Variants in WDR49 observed in about 807,000 individuals in gnomAD.
WDR49 encodes cilia- and flagella-associated protein 337.
WDR49 carries 107 observed loss-of-function variants against 119.5 expected under a neutral mutation model. The observed-to-expected ratio is 0.90, with a 90% CI of 0.77 to 1.05. The LOEUF is 1.05. Among genes scored for constraint, WDR49 ranks in the 50% least tolerant of loss-of-function variants. The pLI is 0.00. For synonymous variants in WDR49, 425 were observed against 418.8 expected, an observed-to-expected ratio of 1.01 and a Z score of -0.18; for missense variants, 1,240 against 1,220.5, an observed-to-expected ratio of 1.02 and a Z score of -0.24.
chr3:167,594,805 C>T (rs1453068695), intron 7 of WDR49, among the ~76,000 whole-genome samples: 2 of 149,868 alleles, frequency 1.3e-5, no homozygotes, highest in African/African-American at 2.5e-5. Flanking sequence ...TGAAAACTGG[C>T]ACAAGACAGG....
At chr3:167,644,340 G>A (rs949769401) in intron 2 of WDR49, among the ~76,000 whole-genome samples, 5 of 151,962 alleles carry the variant, frequency 3.3e-5, no homozygotes, top group Admixed American at 6.6e-5. Context: ...GTATAGATAA[G>A]GTGCCCACAA....
chr3:167,523,926 T>C (rs987587545), intron 15 of WDR49, among the ~76,000 whole-genome samples: 1 of 152,208 alleles, frequency 6.6e-6, no homozygotes, highest in Non-Finnish European at 1.5e-5. Flanking sequence ...ATGGGATTCC[T>C]GAATCAAATG....
chr3:167,649,360 G>A (rs1193285677), intron 2 of WDR49, among the ~76,000 whole-genome samples: 1 of 152,098 alleles, frequency 6.6e-6, no homozygotes, highest in Non-Finnish European at 1.5e-5. Context: ...TATTCCTGTA[G>A]AGCCTAGCTT....
chr3:167,611,406 T>C (rs948583068), intron 5 of WDR49, among the ~76,000 whole-genome samples: 1 of 151,906 alleles, frequency 6.6e-6, no homozygotes, highest in African/African-American at 2.4e-5. Context: ...TAGAGGAACA[T>C]AAGGAGGAAA....
chr3:167,598,315 A>G (rs891333579), intron 7 of WDR49, among the ~76,000 whole-genome samples: 2 of 151,664 alleles, frequency 1.3e-5, no homozygotes, highest in South Asian at 2.1e-4. Context: ...AAAAAAAAAA[A>G]GAAGAAAAGA....
chr3:167,612,547 C>A (rs1716388720), intron 5 of WDR49, among the ~76,000 whole-genome samples: 1 of 149,906 alleles, frequency 6.7e-6, no homozygotes, highest in African/African-American at 2.5e-5. Context: ...TATTTTTGGA[C>A]AAGTTAAAAG....
chr3:167,533,008 G>A, intron 11 of WDR49, 31 bp from the exon 12 acceptor site: 1 of 1,477,772 alleles, frequency 6.8e-7, no homozygotes. Flanking sequence ...AATATAAATT[G>A]CCAGGAGATT....
In WDR49 at chr3:167,531,342, C is replaced by G. The variant is rs571195442; in HGVS notation, c.2054-63G>C. ...AAATATCTGCTTTTCAAACTAATGC[C>G]TATGAAATAGCAGGCCCACATCTAT... On this transcript the variant is annotated intron_variant, in intron 12 of 18. Coordinates refer to ENST00000682715, the MANE Select transcript of WDR49 (RefSeq NM_001366157.1). The G allele has an allele frequency of 4.5e-6, 7 of 1,565,422 alleles. No individual in the cohort carries two copies. In the Admixed American group the frequency reaches 1.2e-4, roughly 28 times the overall value.
intron 2 of WDR49, among the ~76,000 whole-genome samples, chr3:167,629,457 A>G (rs1165262479): frequency 6.6e-6 from 1 of 152,094 alleles, no homozygotes; most frequent in Admixed American, 6.6e-5. Flanking sequence ...GGAGATGTAC[A>G]AGGGGATTAA....
chr3:167,640,683 A>G (rs946598960), intron 2 of WDR49, among the ~76,000 whole-genome samples: 23 of 151,870 alleles, frequency 1.5e-4, no homozygotes, highest in African/African-American at 4.8e-4. Context: ...CAAGACCCCA[A>G]TCAAGAAAGA....
rs556808508 is a variant in WDR49 at position 167,487,991 on chromosome 3, G to A, written c.3032-8995C>T. Among the ~76,000 whole-genome samples, 66 of 152,106 alleles carry A rather than the reference G, an allele frequency of 4.3e-4. No homozygotes were observed. The South Asian group carries it at 0.014, about 32-fold the overall frequency. On this transcript the variant is annotated intron_variant, in intron 18 of 18. Transcript: ENST00000682715. ...GATTTCTTAAATAACTTAAAACAGA[G>A]CTACCACTTGACCCAGAAATCTCAC...
At chr3:167,497,622 G>A (rs1035704795) in intron 18 of WDR49, among the ~76,000 whole-genome samples, 2 of 152,112 alleles carry the variant, frequency 1.3e-5, no homozygotes, top group African/African-American at 2.4e-5. Flanking sequence ...CTGAAGAGAG[G>A]TGTTTGCTGC....
chr3:167,519,558 C>T (rs1752349722), intron 16 of WDR49, among the ~76,000 whole-genome samples: 1 of 152,050 alleles, frequency 6.6e-6, no homozygotes, highest in African/African-American at 2.4e-5. Flanking sequence ...ATCACATGTT[C>T]TCACTCAAAA....
At chr3:167,584,333 T>TA (rs1383960882) in intron 7 of WDR49, among the ~76,000 whole-genome samples, 2 of 152,088 alleles carry the variant, frequency 1.3e-5, no homozygotes, top group African/African-American at 4.8e-5. Flanking sequence ...AACAGAGAAA[T>TA]ACTGAGAGCT....
chr3:167,556,337 A>G (rs1333016850), intron 9 of WDR49, among the ~76,000 whole-genome samples: 1 of 152,162 alleles, frequency 6.6e-6, no homozygotes, highest in Non-Finnish European at 1.5e-5. Flanking sequence ...GCTGATACAG[A>G]ACCTGAAACA....
chr3:167,650,144 T>C (rs1249309556), intron 2 of WDR49, among the ~76,000 whole-genome samples: 4 of 152,198 alleles, frequency 2.6e-5, no homozygotes, highest in African/African-American at 9.6e-5. Context: ...TCAAGCTCCA[T>C]GGCTTTCCCA....
At chr3:167,613,014 T>C (rs1716416404) in intron 5 of WDR49, among the ~76,000 whole-genome samples, 1 of 152,184 alleles carries the variant, frequency 6.6e-6, no homozygotes, top group Admixed American at 6.5e-5. Context: ...TCAATAATAA[T>C]GTAATTGTAT....
Position 167,512,724 on chromosome 3 carries a change from A to G in WDR49, c.2775-7308T>C, listed in dbSNP as rs116884151. On this transcript the variant is annotated intron_variant, in intron 16 of 18. Transcript: ENST00000682715. ...GCTAAGAACCACGATAAAACATTAC[A>G]GGAGCTGTTAGCCAGAATAACTAGT... Among the ~76,000 whole-genome samples, 18 of 152,368 alleles carry G rather than the reference A, an allele frequency of 1.2e-4. No individual in the cohort carries two copies. In the East Asian group the frequency reaches 3.5e-3, roughly 29 times the overall value.
At chr3:167,524,357 C>T (rs1265771172) in intron 15 of WDR49, among the ~76,000 whole-genome samples, 4 of 152,088 alleles carry the variant, frequency 2.6e-5, no homozygotes, top group African/African-American at 9.7e-5. Flanking sequence ...CTGTAGGTTG[C>T]CTGTTCACCC....
Sources: allele counts gnomAD v4.1 joint callset (sites outside exome capture counted in the v4.1 genomes callset), GRCh38; gene constraint gnomAD v4.1.1; transcripts MANE v1.5; gene names NCBI Gene and HGNC (gene_info 2026-07-23, HGNC 2026-07-21).